Variants in ZNF512 observed in about 807,000 individuals in gnomAD.
ZNF512 encodes the protein zinc finger protein 512.
Under a neutral mutation model 77.5 loss-of-function variants are expected in ZNF512, and 25 were observed. The observed-to-expected ratio is 0.32, with a 90% confidence interval of 0.23 to 0.45. The LOEUF (loss-of-function observed/expected upper bound fraction) is 0.45. ZNF512 is among the 20% of genes least tolerant of loss of function. The pLI, the probability that ZNF512 is intolerant of heterozygous loss-of-function variation, is 1.00. For missense variants in ZNF512, 483 were observed against 692.6 expected (o/e 0.70, Z 3.40); for synonymous variants, 246 against 239.9 (o/e 1.03, Z -0.24).
Position 27,621,583 on chromosome 2 carries a change from T to C in ZNF512, c.*122T>C. 1 of 1,022,650 alleles carries C rather than the reference T, an allele frequency of 9.8e-7. No homozygotes were observed. The highest frequency in any genetic ancestry group is 1.4e-6 in the Non-Finnish European group (1 of 724,978). The allele number at this position is 1,022,650 out of a possible 1,614,324, so 63.3% of individuals were successfully genotyped here. ...TGTGTAAGGCTGTGACTTTCTCAGC[T>C]CCTTCCTCCTGTGTAAATTTCACTG... On this transcript the variant is annotated 3_prime_UTR_variant, in exon 14 of 14. Transcript: ENST00000355467.
chr2:27,583,210 C>T (rs1257791589), intron 1 of ZNF512, 68 bp downstream of exon 1: 3 of 1,607,432 alleles, frequency 1.9e-6, no homozygotes, highest in African/African-American at 1.3e-5. Context: ...CGCGGTCCCT[C>T]GCTTTTGTCC....
intron 2 of ZNF512, among the ~76,000 whole-genome samples, chr2:27,588,987 G>A (rs1671458233): frequency 6.6e-6 from 1 of 152,080 alleles, no homozygotes; most frequent in African/African-American, 2.4e-5. Context: ...ATTGTAAATG[G>A]TATTATTTTT....
rs146738251 is a variant in ZNF512 at position 27,601,090 on chromosome 2, G to T, written c.583-266G>T. Among the ~76,000 whole-genome samples, 388 of 152,336 alleles carry T rather than the reference G, an allele frequency of 2.5e-3. 3 individuals are homozygous for T. The highest frequency in any genetic ancestry group is 7.8e-3 in the African/African-American group (323 of 41,570). ...AATAAAAACCTTATGTAGTCCATGA[G>T]AGGATAAGAAAGAAGTAACGCAGGG... On this transcript the variant is annotated intron_variant, in intron 6 of 13. Coordinates refer to ENST00000355467, the MANE Select transcript of ZNF512 (RefSeq NM_032434.4).
intron 11 of ZNF512, 151 bp downstream of exon 11, chr2:27,615,420 T>C (rs530662230): frequency 5.7e-6 from 3 of 529,490 alleles, no homozygotes; most frequent in African/African-American, 3.9e-5. Flanking sequence ...AATAATTCTG[T>C]AAAGGCTCAG....
chr2:27,594,698 G>A (rs1424414576), intron 2 of ZNF512, among the ~76,000 whole-genome samples: 1 of 151,802 alleles, frequency 6.6e-6, no homozygotes, highest in African/African-American at 2.4e-5. Context: ...GGGCAGCCAG[G>A]CAGAGACGCT....
intron 1 of ZNF512, 152 bp from the exon 2 acceptor site, chr2:27,583,506 A>T: frequency 6.7e-7 from 1 of 1,499,886 alleles, no homozygotes; most frequent in Non-Finnish European, 8.9e-7. Flanking sequence ...GGAAGATAGG[A>T]CAGCATATTT....
At chr2:27,607,758 T>C (rs1021334889) in intron 9 of ZNF512, 87 bp from the exon 10 acceptor site, 1 of 1,263,852 alleles carries the variant, frequency 7.9e-7, no homozygotes, top group East Asian at 2.3e-5. Context: ...TCTTTTGATA[T>C]TTAGAGCAGG....
At chr2:27,610,225 A>G (rs1169996286) in intron 10 of ZNF512, among the ~76,000 whole-genome samples, 1 of 149,850 alleles carries the variant, frequency 6.7e-6, no homozygotes, top group Non-Finnish European at 1.5e-5. Flanking sequence ...TTAGCTGGGC[A>G]TGGTGGTGCT....
chr2:27,593,617 A>G (rs1671703794), intron 2 of ZNF512, among the ~76,000 whole-genome samples: 1 of 152,286 alleles, frequency 6.6e-6, no homozygotes, highest in South Asian at 2.1e-4. Flanking sequence ...ACTGTGTTTC[A>G]AAACAAAACA....
At chr2:27,616,519 A>T (rs1274515447) in intron 12 of ZNF512, among the ~76,000 whole-genome samples, 195 bp downstream of exon 12, 1 of 152,194 alleles carries the variant, frequency 6.6e-6, no homozygotes, top group African/African-American at 2.4e-5. Flanking sequence ...CTTAGAAAAG[A>T]TCACCATAGT....
chr2:27,591,927 T>C (rs1164883327), intron 2 of ZNF512, among the ~76,000 whole-genome samples: 1 of 152,266 alleles, frequency 6.6e-6, no homozygotes. Flanking sequence ...TAATGTAATA[T>C]GTCACTTTTC....
chr2:27,598,220 A>G lies in ZNF512; in HGVS notation c.243A>G (p.Arg81=), dbSNP rs746686281. The G allele has an allele frequency of 1.6e-5, 26 of 1,613,684 alleles. No homozygotes were observed. The highest frequency in any genetic ancestry group is 3.3e-4 in the Middle Eastern group (2 of 6,084). Reference sequence around the variant, plus strand: ...AATCTACCTACTGGATGAAGATGAGAAGAATCAAGCCAGCTGCTACTTCTC... The same window carrying G: ...AATCTACCTACTGGATGAAGATGAGGAGAATCAAGCCAGCTGCTACTTCTC... ...FRKSTYWMKM[R]RIKPAATSHV... The change falls in exon 3 of 14, where the codon AGA becomes AGG. Residue 81 remains arginine (R), a synonymous_variant. Coordinates refer to ENST00000355467, the MANE Select transcript of ZNF512 (RefSeq NM_032434.4).
rs773370148 is a variant in ZNF512, at chr2:27,600,032, G to A, written c.436G>A (p.Glu146Lys). The change falls in exon 5 of 14, where the codon GAA (glutamate) becomes AAA (lysine). Residue 146 changes from glutamate to lysine, a missense_variant. By Grantham distance (56) the Glu-to-Lys change is moderately conservative. This residue lies in a region of ZNF512 where 324 missense variants were observed against 525.0 expected (regional missense o/e 0.62). Transcript: ENST00000355467. ...ATCCCAGGCCCGTCGTATTCGGAAG[G>A]AACCACCAGTTTATGCAGCAGGTAT... ...PKSQARRIRK[E>K]PPVYAAGSLE... 1 of 1,614,164 alleles carries A rather than the reference G, an allele frequency of 6.2e-7. No individual in the cohort carries two copies. The highest frequency in any genetic ancestry group is 1.7e-5 in the Admixed American group (1 of 60,024).
chr2:27,607,810 T>A, intron 9 of ZNF512, 35 bp from the exon 10 acceptor site: 5 of 1,607,972 alleles, frequency 3.1e-6, no homozygotes, highest in Non-Finnish European at 4.3e-6. Flanking sequence ...ATGCCACTTA[T>A]CAGGCCTGTG....
At chr2:27,593,696 G>T (rs941481749) in intron 2 of ZNF512, among the ~76,000 whole-genome samples, 3 of 150,030 alleles carry the variant, frequency 2.0e-5, no homozygotes, top group African/African-American at 7.3e-5. Context: ...CCTTGAATCT[G>T]TAAATTTATA....
intron 2 of ZNF512, among the ~76,000 whole-genome samples, chr2:27,594,108 C>T (rs1053800655): frequency 2.6e-5 from 4 of 152,372 alleles, no homozygotes; most frequent in East Asian, 1.9e-4. Context: ...GATTGCACAG[C>T]GGCCAGTCAG....
intron 10 of ZNF512, among the ~76,000 whole-genome samples, chr2:27,609,333 G>C (rs995074573): frequency 5.3e-5 from 8 of 152,122 alleles, no homozygotes; most frequent in Non-Finnish European, 8.8e-5. Context: ...AAAGTACATG[G>C]CTATCTAAAT....
chr2:27,600,400 A>G (rs955372611), intron 5 of ZNF512, among the ~76,000 whole-genome samples: 2 of 152,214 alleles, frequency 1.3e-5, no homozygotes, highest in Non-Finnish European at 2.9e-5. Context: ...TCAGTATCCT[A>G]TTGTTACATC....
At chr2:27,602,999 T>C (rs1352414183) in intron 8 of ZNF512, 141 bp from the exon 9 acceptor site, 2 of 891,852 alleles carry the variant, frequency 2.2e-6, no homozygotes, top group Non-Finnish European at 3.5e-6. Flanking sequence ...GTTGTGCTGA[T>C]GGGAGATGTT....
Sources: allele counts gnomAD v4.1 joint callset (sites outside exome capture counted in the v4.1 genomes callset), GRCh38; gene constraint gnomAD v4.1.1; regional missense constraint gnomAD v4.1.1; transcripts MANE v1.5; gene names NCBI Gene and HGNC (gene_info 2026-07-23, HGNC 2026-07-21).